UNC5C: variants seen among roughly 807,000 people sequenced by gnomAD.
The protein encoded by UNC5C is unc-5 netrin receptor C.
UNC5C carries 47 observed loss-of-function variants against 99.8 expected under a neutral mutation model. That is an observed-to-expected ratio of 0.47 (90% CI 0.37 to 0.60). The LOEUF (loss-of-function observed/expected upper bound fraction) is 0.60. UNC5C is among the 20% of genes least tolerant of loss of function. The probability of loss-of-function intolerance (pLI) is 0.00; values close to 1 mark genes in which losing one functional copy is unlikely to be tolerated. For missense variants in UNC5C, 1,062 were observed against 1,165.9 expected (o/e 0.91, Z 1.30); for synonymous variants, 487 against 452.2 (o/e 1.08, Z -0.98).
intron 1 of UNC5C, among the ~76,000 whole-genome samples, chr4:95,352,655 A>G (rs1744033471): frequency 6.6e-6 from 1 of 152,106 alleles, no homozygotes; most frequent in African/African-American, 2.4e-5. Flanking sequence ...TCCCCAATCC[A>G]GACTACAAGA....
chr4:95,411,295 A>C lies in UNC5C; in HGVS notation c.125-75664T>G, dbSNP rs573454073. Among the ~76,000 whole-genome samples the C allele has an allele frequency of 1.2e-3, 180 of 152,092 alleles. 1 individual carries two copies. In the South Asian group the frequency reaches 0.015, roughly 12 times the overall value. Reference sequence around the variant, plus strand: ...GTTTTTGGTCTAGGGGGCAAAAAAAACCCTCAGATGTCCACAAAGGATCCT... The same window carrying C: ...GTTTTTGGTCTAGGGGGCAAAAAAACCCCTCAGATGTCCACAAAGGATCCT... On this transcript the variant is annotated intron_variant, in intron 1 of 15. Transcript: ENST00000453304.
intron 13 of UNC5C, among the ~76,000 whole-genome samples, chr4:95,184,058 T>C (rs1249812661): frequency 1.3e-5 from 2 of 152,200 alleles, no homozygotes; most frequent in Admixed American, 1.3e-4. Context: ...GGGAGATTTA[T>C]AGTATTTTAT....
At chr4:95,311,851 C>G (rs1346083826) in intron 2 of UNC5C, among the ~76,000 whole-genome samples, 3 of 152,086 alleles carry the variant, frequency 2.0e-5, no homozygotes, top group African/African-American at 7.2e-5. Context: ...CAAGACCAGC[C>G]TGGGCAACAT....
intron 1 of UNC5C, among the ~76,000 whole-genome samples, chr4:95,472,253 T>G (rs979556090): frequency 1.3e-5 from 2 of 152,138 alleles, no homozygotes; most frequent in Non-Finnish European, 2.9e-5. Flanking sequence ...TAAATTAAAT[T>G]CTTCTCATGA....
At chr4:95,482,338 T>C (rs1415995434) in intron 1 of UNC5C, among the ~76,000 whole-genome samples, 2 of 152,044 alleles carry the variant, frequency 1.3e-5, no homozygotes, top group Non-Finnish European at 2.9e-5. Flanking sequence ...AGAATGGCAG[T>C]CATTAAAAAG....
intron 7 of UNC5C, among the ~76,000 whole-genome samples, chr4:95,231,689 T>C (rs1008617167): frequency 1.3e-5 from 2 of 152,254 alleles, no homozygotes; most frequent in South Asian, 4.1e-4. Flanking sequence ...AAAATAAACA[T>C]GTCCAGATTT....
At chr4:95,402,611 CATATA>C (rs1745731537) in intron 1 of UNC5C, among the ~76,000 whole-genome samples, 1 of 152,142 alleles carries the variant, frequency 6.6e-6, no homozygotes, top group African/African-American at 2.4e-5. Context: ...TTTGAGGACA[CATATA>C]ATATAAAGAA....
At chr4:95,169,487 C>A (rs1736001095) in intron 15 of UNC5C, 88 bp from the exon 16 acceptor site, 1 of 1,457,932 alleles carries the variant, frequency 6.9e-7, no homozygotes, top group Non-Finnish European at 9.3e-7. Flanking sequence ...CTCTACTTGT[C>A]TTTAAGTTTC....
chr4:95,218,985 A>C lies in UNC5C; in HGVS notation c.1629T>G (p.Leu543=). 1.2e-6 allele frequency: 2 copies of C among 1,608,134 alleles called. No individual in the cohort carries two copies. Among genetic ancestry groups the C allele is most frequent in the African/African-American group, 2.7e-5 (2 of 74,906 alleles). The change falls in exon 9 of 16, where the codon CTT becomes CTG. Residue 543 remains leucine, a synonymous_variant. Transcript: ENST00000453304. The part of the protein sequence containing the change: ...FGSFNSLGGH[L]IVPNSGVSLL... ...AGGAATTACCTGAATTGGGAACAAT[A>C]AGGTGACCTCCCAGCGAGTTGAAGC... is the stretch of plus-strand genomic sequence containing the variant.
At chr4:95,503,312 T>C (rs1293217800) in intron 1 of UNC5C, among the ~76,000 whole-genome samples, 1 of 152,242 alleles carries the variant, frequency 6.6e-6, no homozygotes, top group South Asian at 2.1e-4. Flanking sequence ...TACCTTAATA[T>C]TGAACTTCCC....
rs562788864 is a variant in UNC5C, at chr4:95,219,742, A to T, written c.1300+243T>A. Among the ~76,000 whole-genome samples, 13 of 152,276 alleles carry T rather than the reference A, an allele frequency of 8.5e-5. 1 individual carries two copies. In the South Asian group the frequency reaches 2.7e-3, roughly 32 times the overall value. Reference sequence around the variant, plus strand: ...AAGAAATCAGTCAACCAATCAGGGTACTCTTTTCGATTAGAAGTTAAAAAG... The same window carrying T: ...AAGAAATCAGTCAACCAATCAGGGTTCTCTTTTCGATTAGAAGTTAAAAAG... On this transcript the variant is annotated intron_variant, in intron 8 of 15. Transcript: ENST00000453304.
intron 12 of UNC5C, among the ~76,000 whole-genome samples, chr4:95,201,943 G>A (rs1305695007): frequency 2.0e-5 from 3 of 152,026 alleles, no homozygotes; most frequent in Non-Finnish European, 2.9e-5. Flanking sequence ...GTTTATTCAC[G>A]CTGTTCCCTC....
In UNC5C at chr4:95,163,506, A is replaced by G. The variant is rs935584247; in HGVS notation, c.*5728T>C. 6.6e-6 allele frequency: 1 copy of G among 152,210 alleles called. No individual in the cohort carries two copies. The highest frequency in any genetic ancestry group is 6.5e-5 in the Admixed American group (1 of 15,276). 9.4% of individuals were successfully genotyped at this position (152,210 alleles called of 1,614,324 possible). A position where few individuals can be genotyped will look rare whatever the true frequency, so the allele number is the denominator to read the frequency against. ...CTTCTACACACCAGTACTGAGGGTTATTCCACCCCGGATCAGCGCCATCAG... is the reference window on the plus strand; with the variant it reads ...CTTCTACACACCAGTACTGAGGGTTGTTCCACCCCGGATCAGCGCCATCAG... On this transcript the variant is annotated 3_prime_UTR_variant, in exon 16 of 16. Coordinates refer to ENST00000453304, the MANE Select transcript of UNC5C (RefSeq NM_003728.4).
intron 12 of UNC5C, among the ~76,000 whole-genome samples, chr4:95,185,602 T>C (rs985607435): frequency 2.6e-5 from 4 of 152,112 alleles, no homozygotes; most frequent in African/African-American, 9.7e-5. Flanking sequence ...TCAATTAACT[T>C]TTACAAAAAG....
chr4:95,491,936 A>G (rs992524240), intron 1 of UNC5C, among the ~76,000 whole-genome samples: 15 of 151,538 alleles, frequency 9.9e-5, no homozygotes, highest in African/African-American at 3.6e-4. Context: ...TTTGGCTTAT[A>G]TCAAAATGTA....
chr4:95,360,524 G>T (rs1744357655), intron 1 of UNC5C, among the ~76,000 whole-genome samples: 2 of 152,156 alleles, frequency 1.3e-5, no homozygotes, highest in African/African-American at 2.4e-5. Flanking sequence ...AGGATTCCAA[G>T]TTAAGTAGTG....
At chr4:95,454,356 A>G (rs1747371309) in intron 1 of UNC5C, among the ~76,000 whole-genome samples, 1 of 152,154 alleles carries the variant, frequency 6.6e-6, no homozygotes, top group African/African-American at 2.4e-5. Flanking sequence ...TATTTGAGAA[A>G]GAAAAATCAG....
intron 1 of UNC5C, among the ~76,000 whole-genome samples, chr4:95,500,415 T>TA (rs1352254952): frequency 2.0e-5 from 3 of 151,774 alleles, no homozygotes; most frequent in Non-Finnish European, 4.4e-5. Flanking sequence ...TATTAAGTTC[T>TA]AAAAAAAACA....
chr4:95,262,653 T>C (rs1461614873), intron 4 of UNC5C, among the ~76,000 whole-genome samples: 2 of 152,178 alleles, frequency 1.3e-5, no homozygotes, highest in East Asian at 3.9e-4. Flanking sequence ...TTGATCCCTA[T>C]GGTCAAAGGA....
Sources: allele counts gnomAD v4.1 joint callset (sites outside exome capture counted in the v4.1 genomes callset), GRCh38; gene constraint gnomAD v4.1.1; transcripts MANE v1.5; gene names NCBI Gene and HGNC (gene_info 2026-07-23, HGNC 2026-07-21).